The following SNRK variants were observed in gnomAD, a reference collection of about 807,000 sequenced individuals.
SNRK encodes the protein SNF-related serine/threonine-protein kinase.
SNRK carries 3 observed loss-of-function variants against 48.2 expected under a neutral mutation model. The ratio of observed to expected loss-of-function variants is 0.06; its 90% CI spans 0.03 to 0.16. SNRK has a LOEUF of 0.16. SNRK is among the 10% of genes least tolerant of loss of function. SNRK has a pLI of 1.00. For synonymous variants in SNRK, 376 were observed against 366.1 expected (o/e 1.03, Z -0.31); for missense variants, 627 against 976.0 (o/e 0.64, Z 4.76).
chr3:43,318,243 T>C (rs1025520959), intron 3 of SNRK, among the ~76,000 whole-genome samples: 1 of 152,184 alleles, frequency 6.6e-6, no homozygotes, highest in African/African-American at 2.4e-5. Context: ...GCTCCTGTGG[T>C]TTTCTCACAT....
At chr3:43,327,877 G>C (rs1019836383) in intron 3 of SNRK, among the ~76,000 whole-genome samples, 6 of 151,882 alleles carry the variant, frequency 4.0e-5, no homozygotes, top group African/African-American at 1.5e-4. Context: ...CAGCCAGTAA[G>C]GGGAACTTGT....
chr3:43,306,064 AAAAG>A (rs2090935349), intron 3 of SNRK, among the ~76,000 whole-genome samples: 1 of 152,202 alleles, frequency 6.6e-6, no homozygotes, highest in Admixed American at 6.5e-5. Flanking sequence ...TTAAAAAAGG[AAAAG>A]AAAACCACTT....
intron 1 of SNRK, among the ~76,000 whole-genome samples, chr3:43,295,077 G>A (rs2090842304): frequency 1.3e-5 from 2 of 152,164 alleles, no homozygotes; most frequent in African/African-American, 2.4e-5. Flanking sequence ...GACATGCTTA[G>A]CATTTTTCAT....
chr3:43,289,934 A>T (rs1174718152), intron 1 of SNRK: 1 of 152,670 alleles, frequency 6.6e-6, no homozygotes, highest in Non-Finnish European at 1.5e-5. Context: ...GTTTTGGAGT[A>T]TCTTCAGGCC....
intron 6 of SNRK, among the ~76,000 whole-genome samples, chr3:43,346,441 CATT>C (rs1415899008): frequency 6.6e-6 from 1 of 152,202 alleles, no homozygotes; most frequent in Non-Finnish European, 1.5e-5. Flanking sequence ...TAGAGAGCCT[CATT>C]TAAAAAATTC....
intron 3 of SNRK, among the ~76,000 whole-genome samples, chr3:43,305,508 A>G (rs1286100012): frequency 1.4e-5 from 2 of 144,680 alleles, no homozygotes; most frequent in African/African-American, 5.1e-5. Flanking sequence ...TTTGAGACAG[A>G]GTCTCGTTCT....
intron 1 of SNRK, among the ~76,000 whole-genome samples, chr3:43,293,764 T>A (rs1309878966): frequency 1.3e-5 from 2 of 150,526 alleles, no homozygotes; most frequent in Admixed American, 6.6e-5. Context: ...AAAAAAAAAA[T>A]TAAAATTAGC....
intron 3 of SNRK, among the ~76,000 whole-genome samples, chr3:43,322,493 T>G (rs1306622210): frequency 6.6e-6 from 1 of 152,202 alleles, no homozygotes; most frequent in African/African-American, 2.4e-5. Context: ...GTTACTATTC[T>G]TAAGGTAGAA....
intron 4 of SNRK, among the ~76,000 whole-genome samples, chr3:43,334,802 C>T (rs943696077): frequency 3.3e-5 from 5 of 152,060 alleles, no homozygotes; most frequent in Admixed American, 6.6e-5. Context: ...ACATGTTGGC[C>T]GGGATGGTCT....
rs373551162 is a variant in SNRK, at chr3:43,348,311, G to T, written c.2052G>T (p.Thr684=). 3 of 1,613,378 alleles carry T rather than the reference G, an allele frequency of 1.9e-6. No individual in the cohort carries two copies. The highest frequency in any genetic ancestry group is 2.5e-6 in the Non-Finnish European group (3 of 1,179,668). The change falls in exon 7 of 7, where the codon ACG becomes ACT. Residue 684 remains threonine (T), a synonymous_variant. Coordinates refer to ENST00000296088, the MANE Select transcript of SNRK (RefSeq NM_017719.5). The part of the protein sequence containing the change: ...FSSVKVQEKS[T]WKMCISSTGN... Reference sequence around the variant, plus strand: ...GTGTGAAAGTCCAAGAGAAATCTACGTGGAAAATGTGCATTAGCTCCACAG... The same window carrying T: ...GTGTGAAAGTCCAAGAGAAATCTACTTGGAAAATGTGCATTAGCTCCACAG...
chr3:43,288,834 T>A (rs2090787369), intron 1 of SNRK, among the ~76,000 whole-genome samples: 1 of 152,230 alleles, frequency 6.6e-6, no homozygotes, highest in African/African-American at 2.4e-5. Context: ...TGTTTATAAC[T>A]AAGATGCTTT....
chr3:43,290,536 T>C (rs893934878), intron 1 of SNRK, among the ~76,000 whole-genome samples: 9 of 152,178 alleles, frequency 5.9e-5, no homozygotes, highest in Admixed American at 2.0e-4. Context: ...AAAATGTGTC[T>C]CCTCCACAAC....
intron 1 of SNRK, among the ~76,000 whole-genome samples, chr3:43,290,582 C>T (rs751670463): frequency 6.6e-6 from 1 of 152,220 alleles, no homozygotes; most frequent in Non-Finnish European, 1.5e-5. Context: ...CAGCTGCCCT[C>T]ATTTTTAAGT....
At chr3:43,318,097 C>T (rs1427420986) in intron 3 of SNRK, among the ~76,000 whole-genome samples, 2 of 152,142 alleles carry the variant, frequency 1.3e-5, no homozygotes, top group Non-Finnish European at 2.9e-5. Context: ...CCTTATTTTC[C>T]TTTCCTGCCT....
intron 3 of SNRK, among the ~76,000 whole-genome samples, chr3:43,312,357 G>A (rs2090984710): frequency 6.6e-6 from 1 of 152,216 alleles, no homozygotes; most frequent in African/African-American, 2.4e-5. Context: ...ATTGTTTAGA[G>A]TCATGGGGTG....
Position 43,344,206 on chromosome 3 carries a change from T to C in SNRK, c.1079+728T>C, listed in dbSNP as rs559369794. 5.4e-5 allele frequency among the ~76,000 whole-genome samples: 8 copies of C among 147,044 alleles called. No individual in the cohort carries two copies. The East Asian group carries it at 1.7e-3, about 31-fold the overall frequency. Reference sequence around the variant, plus strand: ...CCCAAGCCTTTTCTAACCCCCTCTCTCCTCCTCCTCCTCTCCCCCAGCCTT... The same window carrying C: ...CCCAAGCCTTTTCTAACCCCCTCTCCCCTCCTCCTCCTCTCCCCCAGCCTT... On this transcript the variant is annotated intron_variant, in intron 6 of 6. Coordinates refer to ENST00000296088, the MANE Select transcript of SNRK (RefSeq NM_017719.5).
intron 1 of SNRK, among the ~76,000 whole-genome samples, chr3:43,293,561 A>C (rs2888298): frequency 0.078 from 11,939 of 152,166 alleles, 575 homozygotes; most frequent in African/African-American, 0.12. Context: ...AATCTTACTA[A>C]TTTAACATTT....
At chr3:43,343,902 A>G (rs975034502) in intron 6 of SNRK, among the ~76,000 whole-genome samples, 2 of 152,202 alleles carry the variant, frequency 1.3e-5, no homozygotes, top group South Asian at 2.1e-4. Flanking sequence ...GAGTATTGCT[A>G]TGCCACAGTG....
chr3:43,300,863 A>G lies in SNRK; in HGVS notation c.-107+1048A>G, dbSNP rs186074210. ...GTTTAAAAATCTTAATAGCAGGATTAATAGTTTTGGTTCTGAAATCAGTTT... is the reference window on the plus strand; with the variant it reads ...GTTTAAAAATCTTAATAGCAGGATTGATAGTTTTGGTTCTGAAATCAGTTT... On this transcript the variant is annotated intron_variant, in intron 2 of 6. Coordinates refer to ENST00000296088, the MANE Select transcript of SNRK (RefSeq NM_017719.5). Among the ~76,000 whole-genome samples, 82 of 152,386 alleles carry G rather than the reference A, an allele frequency of 5.4e-4. No homozygotes were observed. In the East Asian group the frequency reaches 0.013, roughly 25 times the overall value.
Sources: allele counts gnomAD v4.1 joint callset (sites outside exome capture counted in the v4.1 genomes callset), GRCh38; gene constraint gnomAD v4.1.1; transcripts MANE v1.5; gene names NCBI Gene and HGNC (gene_info 2026-07-23, HGNC 2026-07-21).